SKA2: variants seen among roughly 807,000 people sequenced by gnomAD.
The protein encoded by SKA2 is spindle and kinetochore-associated protein 2.
Under a neutral mutation model 16.9 loss-of-function variants are expected in SKA2, and 13 were observed. The observed-to-expected ratio is 0.77, with a 90% CI of 0.50 to 1.22. The LOEUF (loss-of-function observed/expected upper bound fraction) is 1.22. Among genes scored for constraint, SKA2 ranks in the 50% most tolerant of loss-of-function variants. SKA2 has a pLI of 0.00. For synonymous variants in SKA2, 47 were observed against 48.5 expected (o/e 0.97, Z 0.13); for missense variants, 107 against 139.7 (o/e 0.77, Z 1.18).
intron 3 of SKA2, among the ~76,000 whole-genome samples, chr17:59,115,258 G>A (rs919881776): frequency 4.0e-5 from 6 of 151,742 alleles, no homozygotes; most frequent in South Asian, 2.1e-4. Context: ...GGGTTTCACC[G>A]TGTTGGCCAG....
intron 1 of SKA2, among the ~76,000 whole-genome samples, chr17:59,138,838 C>T (rs556044099): frequency 2.6e-5 from 4 of 152,172 alleles, no homozygotes; most frequent in East Asian, 1.9e-4. Context: ...GAATATATTG[C>T]GGTTGTCACA....
chr17:59,112,273 T>G lies in SKA2; in HGVS notation c.*4A>C. On this transcript the variant is annotated 3_prime_UTR_variant, in exon 4 of 4. Transcript: ENST00000330137. ...GTTAGAATTTCCTTTCCAAGTCCAT[T>G]TCTTCATAAATCTGGCATGTGAAAT... 6.2e-7 allele frequency: 1 copy of G among 1,608,270 alleles called. No homozygotes were observed. The highest frequency in any genetic ancestry group is 8.5e-7 in the Non-Finnish European group (1 of 1,178,038).
intron 2 of SKA2, among the ~76,000 whole-genome samples, chr17:59,120,131 A>G (rs1037453087): frequency 6.6e-6 from 1 of 152,068 alleles, no homozygotes; most frequent in African/African-American, 2.4e-5. Context: ...GATGGTCTCA[A>G]TCTCCTGACC....
Position 59,111,655 on chromosome 17 carries a change from A to G in SKA2, c.*622T>C, listed in dbSNP as rs1039548745. On this transcript the variant is annotated 3_prime_UTR_variant, in exon 4 of 4. Transcript: ENST00000330137. The stretch of plus-strand genomic sequence containing the variant: ...GGGACAGTCTAAAACAGCATCAGAA[A>G]GCAAGTTCATGCTGTTCAACATTAG... The G allele has an allele frequency of 2.0e-5, 3 of 152,246 alleles. No individual in the cohort carries two copies. Among genetic ancestry groups the G allele is most frequent in the African/African-American group, 7.2e-5 (3 of 41,460 alleles). 9.4% of individuals were successfully genotyped at this position (152,246 alleles called of 1,614,324 possible). A position where few individuals can be genotyped will look rare whatever the true frequency, so the allele number is the denominator to read the frequency against.
intron 1 of SKA2, among the ~76,000 whole-genome samples, chr17:59,148,146 A>C (rs1380960449): frequency 6.6e-6 from 1 of 152,162 alleles, no homozygotes; most frequent in Non-Finnish European, 1.5e-5. Flanking sequence ...AGCCAAAAAA[A>C]GAAAAAAAGT....
intron 1 of SKA2, 66 bp from the exon 2 acceptor site, chr17:59,131,433 CT>C: frequency 9.7e-7 from 1 of 1,033,454 alleles, no homozygotes; most frequent in Non-Finnish European, 1.4e-6. Flanking sequence ...ATACTTTATT[CT>C]TTTTTTCTCT....
At chr17:59,147,012 G>C (rs1032311762) in intron 1 of SKA2, among the ~76,000 whole-genome samples, 3 of 151,602 alleles carry the variant, frequency 2.0e-5, no homozygotes, top group African/African-American at 4.8e-5. Context: ...TTTTGGGGGG[G>C]ACGGGCGTGG....
At chr17:59,136,383 C>T (rs564309362) in intron 1 of SKA2, among the ~76,000 whole-genome samples, 2 of 151,302 alleles carry the variant, frequency 1.3e-5, no homozygotes, top group East Asian at 2.0e-4. Context: ...AGGCTGGTCT[C>T]GAACTCCTGA....
In SKA2 at chr17:59,119,416, A is replaced by G; in HGVS notation, c.200T>C (p.Val67Ala). Residue 67 changes from valine to alanine, a missense_variant, in exon 3 of 4, where the codon GTT becomes GCT. Val to Ala is a moderately conservative substitution (Grantham distance 64, BLOSUM62 0). Coordinates refer to ENST00000330137, the MANE Select transcript of SKA2 (RefSeq NM_182620.4). ...CTTACTCTCTTTCTGCTCAACAGCA[A>G]CTGGTTTAAAGCGGGCATACAAAGT... Reference protein sequence around the residue: ...YQTLYARFKPVAVEQKESKSR... With the variant: ...YQTLYARFKPAAVEQKESKSR... 6.2e-7 allele frequency: 1 copy of G among 1,614,006 alleles called. No individual in the cohort carries two copies. The highest frequency in any genetic ancestry group is 1.1e-5 in the South Asian group (1 of 91,088).
rs928462710 is a variant in SKA2, at chr17:59,130,502, C to T, written c.120+779G>A. Among the ~76,000 whole-genome samples, 20 of 149,562 alleles carry T rather than the reference C, an allele frequency of 1.3e-4. 1 individual carries two copies. In the South Asian group the frequency reaches 3.8e-3, roughly 29 times the overall value. On this transcript the variant is annotated intron_variant, in intron 2 of 3. Coordinates refer to ENST00000330137, the MANE Select transcript of SKA2 (RefSeq NM_182620.4). ...AAAATTAGCTGGGCATTGTGGCGCA[C>T]GCCTGTAATCCCAGCTACTTGGGAG...
chr17:59,117,332 CAGA>C (rs2046303322), intron 3 of SKA2, among the ~76,000 whole-genome samples: 2 of 152,152 alleles, frequency 1.3e-5, no homozygotes, highest in African/African-American at 4.8e-5. Flanking sequence ...AAACATCTCT[CAGA>C]AGATTAAGTT....
intron 3 of SKA2, among the ~76,000 whole-genome samples, chr17:59,115,773 T>A (rs1350589235): frequency 6.6e-6 from 1 of 152,090 alleles, no homozygotes; most frequent in Non-Finnish European, 1.5e-5. Flanking sequence ...GACTAATGAA[T>A]CCACATTGCC....
chr17:59,140,855 C>A lies in SKA2; in HGVS notation c.34-9488G>T, dbSNP rs566436789. Among the ~76,000 whole-genome samples the A allele has an allele frequency of 8.8e-5, 13 of 147,314 alleles. No individual in the cohort carries two copies. In the East Asian group the frequency reaches 2.1e-3, roughly 24 times the overall value. Reference sequence around the variant, plus strand: ...AGCTAGGATGACCTCAATCTCCTGACCTTGTGATCCACCCGCCTCAGCATC... The same window carrying A: ...AGCTAGGATGACCTCAATCTCCTGAACTTGTGATCCACCCGCCTCAGCATC... On this transcript the variant is annotated intron_variant, in intron 1 of 3. Transcript: ENST00000330137.
intron 1 of SKA2, among the ~76,000 whole-genome samples, chr17:59,145,211 T>C (rs1168478897): frequency 2.0e-5 from 3 of 152,204 alleles, no homozygotes; most frequent in Non-Finnish European, 4.4e-5. Context: ...ATAAACATTA[T>C]GTTACATGTA....
At chr17:59,125,441 G>A (rs2046365294) in intron 2 of SKA2, among the ~76,000 whole-genome samples, 1 of 151,492 alleles carries the variant, frequency 6.6e-6, no homozygotes, top group Admixed American at 6.6e-5. Flanking sequence ...GGTGGCTCAC[G>A]CCTGTAATCT....
chr17:59,131,023 A>G (rs1371154331), intron 2 of SKA2, among the ~76,000 whole-genome samples: 2 of 152,180 alleles, frequency 1.3e-5, no homozygotes, highest in African/African-American at 4.8e-5. Flanking sequence ...AGAGGCTGCC[A>G]CAGTGGCTTG....
rs1046020863 is a variant in SKA2, at chr17:59,119,427, G to A, written c.189C>T (p.Arg63=). ...TCTGCTCAACAGCAACTGGTTTAAA[G>A]CGGGCATACAAAGTTTGATATCGAG... ...IKSRYQTLYA[R]FKPVAVEQKE... The change falls in exon 3 of 4, where the codon CGC becomes CGT. Residue 63 remains arginine (R), a synonymous_variant. Coordinates refer to ENST00000330137, the MANE Select transcript of SKA2 (RefSeq NM_182620.4). The A allele has an allele frequency of 6.2e-7, 1 of 1,613,978 alleles. No individual in the cohort carries two copies. Among genetic ancestry groups the A allele is most frequent in the Non-Finnish European group, 8.5e-7 (1 of 1,179,884 alleles).
At chr17:59,118,631 C>G (rs1251268563) in intron 3 of SKA2, among the ~76,000 whole-genome samples, 2 of 152,164 alleles carry the variant, frequency 1.3e-5, no homozygotes, top group Non-Finnish European at 1.5e-5. Flanking sequence ...TGACACAACC[C>G]TGTTTTAAAT....
chr17:59,121,711 G>A, intron 2 of SKA2, among the ~76,000 whole-genome samples: 1 of 144,696 alleles, frequency 6.9e-6, no homozygotes, highest in East Asian at 2.0e-4. Context: ...CACTTTGGGA[G>A]GCCGAGGCGG....
Sources: gnomAD v4.1 joint callset for allele counts (sites outside exome capture counted in the v4.1 genomes callset) on GRCh38, gnomAD v4.1.1 for gene constraint, MANE v1.5 for transcripts, NCBI Gene and HGNC (gene_info 2026-07-23, HGNC 2026-07-21) for gene names.